RAPGEF4: variants seen among roughly 807,000 people sequenced by gnomAD.
RAPGEF4 encodes the protein RAP guanine-nucleotide-exchange factor (GEF) 4.
A neutral mutation model predicts 147.9 loss-of-function variants in RAPGEF4; 66 were observed. The observed-to-expected ratio is 0.45, with a 90% CI of 0.37 to 0.55. The LOEUF (loss-of-function observed/expected upper bound fraction) is 0.55. Ranked by LOEUF, RAPGEF4 falls within the 20% of genes least tolerant of loss-of-function variation. The probability of loss-of-function intolerance (pLI) is 0.00; values close to 1 mark genes in which losing one functional copy is unlikely to be tolerated. For synonymous variants in RAPGEF4, 419 were observed against 442.7 expected, an observed-to-expected ratio of 0.95 and a Z score of 0.67; for missense variants, 1,071 against 1,257.3, an observed-to-expected ratio of 0.85 and a Z score of 2.24.
intron 4 of RAPGEF4, among the ~76,000 whole-genome samples, chr2:172,894,817 C>A (rs1436899186): frequency 6.6e-6 from 1 of 152,048 alleles, no homozygotes; most frequent in African/African-American, 2.4e-5. Flanking sequence ...TTTGTACTAA[C>A]CTTCTAAAAA....
Position 172,812,310 on chromosome 2 carries a change from A to G in RAPGEF4, c.298-1969A>G, listed in dbSNP as rs201934128. On this transcript the variant is annotated intron_variant, in intron 3 of 30. Coordinates refer to ENST00000397081, the MANE Select transcript of RAPGEF4 (RefSeq NM_007023.4). ...TGACTGCAGCTGGGTACTCACTGGC[A>G]TGGTTTTCCCCTTACAGAGGTGGTC... 2.6e-5 allele frequency among the ~76,000 whole-genome samples: 4 copies of G among 152,284 alleles called. No individual in the cohort carries two copies. The East Asian group carries it at 5.8e-4, about 22-fold the overall frequency.
intron 1 of RAPGEF4, among the ~76,000 whole-genome samples, chr2:172,766,448 A>G (rs1370228217): frequency 6.6e-6 from 1 of 152,090 alleles, no homozygotes; most frequent in Non-Finnish European, 1.5e-5. Context: ...GCTACTCGGG[A>G]GGCTGAGGCA....
chr2:172,914,319 A>ATTTT lies in RAPGEF4; in HGVS notation c.445-3454_445-3451dup, dbSNP rs573065663. Among the ~76,000 whole-genome samples the ATTTT allele has an allele frequency of 6.4e-5, 4 of 62,450 alleles. No homozygotes were observed. In the South Asian group the frequency reaches 2.8e-3, roughly 44 times the overall value. 41.0% of individuals were successfully genotyped at this position (62,450 alleles called of 152,430 possible). A position where few individuals can be genotyped will look rare whatever the true frequency, so the allele number is the denominator to read the frequency against. ...CCTAGCTCAGTCAAAGGAAATATGC[A>ATTTT]TTTTTTTTTTTTTTTTTTTTTTTTT... On this transcript the variant is annotated intron_variant, in intron 4 of 30. Coordinates refer to ENST00000397081, the MANE Select transcript of RAPGEF4 (RefSeq NM_007023.4).
intron 4 of RAPGEF4, among the ~76,000 whole-genome samples, chr2:172,832,633 C>T (rs1690486214): frequency 6.6e-6 from 1 of 152,114 alleles, no homozygotes; most frequent in African/African-American, 2.4e-5. Context: ...TTTGAACTTC[C>T]TAGCTCGGAC....
chr2:172,983,680 T>C lies in RAPGEF4; in HGVS notation c.1089+100T>C, dbSNP rs1311012685. ...CGGTGTTGTGGGGGGAAAGAATGTC[T>C]GATTTTCACCTCATAAATCACCTCT... On this transcript the variant is annotated intron_variant, in intron 11 of 30. Coordinates refer to ENST00000397081, the MANE Select transcript of RAPGEF4 (RefSeq NM_007023.4). The C allele has an allele frequency of 4.0e-6, 6 of 1,499,974 alleles. No individual in the cohort carries two copies. The East Asian group carries it at 1.4e-4, about 35-fold the overall frequency. 92.9% of individuals were successfully genotyped at this position (1,499,974 alleles called of 1,614,324 possible).
intron 14 of RAPGEF4, 87 bp downstream of exon 14, chr2:172,988,926 G>A: frequency 2.8e-6 from 4 of 1,429,202 alleles, no homozygotes; most frequent in East Asian, 2.3e-5. Flanking sequence ...TCTTAATTGA[G>A]TAGTCCTGTG....
intron 1 of RAPGEF4, among the ~76,000 whole-genome samples, chr2:172,783,006 G>T (rs1440257653): frequency 6.6e-6 from 1 of 152,154 alleles, no homozygotes; most frequent in African/African-American, 2.4e-5. Context: ...GCTGTACTTC[G>T]ATTTCACATT....
At chr2:172,999,940 G>C (rs1470784030) in intron 16 of RAPGEF4, among the ~76,000 whole-genome samples, 1 of 152,148 alleles carries the variant, frequency 6.6e-6, no homozygotes. Context: ...CCCAGCCTTG[G>C]AGCACCCAAG....
intron 16 of RAPGEF4, 67 bp from the exon 17 acceptor site, chr2:173,001,199 A>T: frequency 6.2e-7 from 1 of 1,603,070 alleles, no homozygotes; most frequent in Non-Finnish European, 8.5e-7. Context: ...AAGTGAATGG[A>T]TACTCTTGCT....
At chr2:173,001,766 G>A (rs776722211) in intron 17 of RAPGEF4, among the ~76,000 whole-genome samples, 7 of 151,858 alleles carry the variant, frequency 4.6e-5, no homozygotes, top group African/African-American at 2.4e-5. Flanking sequence ...GGTGGGGGAG[G>A]TGGCAAACAC....
intron 4 of RAPGEF4, among the ~76,000 whole-genome samples, chr2:172,819,626 C>A (rs914924448): frequency 1.3e-5 from 2 of 151,214 alleles, no homozygotes; most frequent in Non-Finnish European, 2.9e-5. Flanking sequence ...CCACTACGCC[C>A]GGCTAATTTT....
At chr2:172,896,436 A>G (rs193096225) in intron 4 of RAPGEF4, among the ~76,000 whole-genome samples, 2 of 152,314 alleles carry the variant, frequency 1.3e-5, no homozygotes, top group East Asian at 1.9e-4. Flanking sequence ...ATTCCTTTGT[A>G]TACAGAGTTT....
intron 6 of RAPGEF4, among the ~76,000 whole-genome samples, chr2:172,953,860 A>G (rs1575356652): frequency 6.6e-6 from 1 of 152,276 alleles, no homozygotes; most frequent in Admixed American, 6.5e-5. Flanking sequence ...GAAAGAAGAC[A>G]TTTATTCTTT....
At chr2:172,776,403 T>C (rs1328493399) in intron 1 of RAPGEF4, among the ~76,000 whole-genome samples, 1 of 152,228 alleles carries the variant, frequency 6.6e-6, no homozygotes, top group Non-Finnish European at 1.5e-5. Flanking sequence ...CCATCTTTAA[T>C]CTACCATACT....
chr2:172,866,883 A>G (rs1694708259), intron 4 of RAPGEF4, among the ~76,000 whole-genome samples: 1 of 151,980 alleles, frequency 6.6e-6, no homozygotes, highest in Non-Finnish European at 1.5e-5. Flanking sequence ...TGTAAACTTT[A>G]TAGAATTTGT....
At chr2:172,767,692 G>A (rs1272573641) in intron 1 of RAPGEF4, among the ~76,000 whole-genome samples, 3 of 152,134 alleles carry the variant, frequency 2.0e-5, no homozygotes, top group Non-Finnish European at 4.4e-5. Flanking sequence ...TTAGAAATAA[G>A]GATCCATATG....
intron 13 of RAPGEF4, 139 bp downstream of exon 13, chr2:172,988,411 A>C: frequency 7.1e-7 from 1 of 1,404,082 alleles, no homozygotes; most frequent in Admixed American, 3.1e-5. Context: ...TGTATCTTTA[A>C]TCATAAGTTA....
At chr2:172,810,821 C>G (rs1687953158) in intron 3 of RAPGEF4, among the ~76,000 whole-genome samples, 1 of 152,164 alleles carries the variant, frequency 6.6e-6, no homozygotes. Flanking sequence ...TGGTCCAGTA[C>G]CTCCCCAGAG....
chr2:173,045,831 A>G (rs61686703), intron 29 of RAPGEF4, among the ~76,000 whole-genome samples: 1,943 of 152,328 alleles, frequency 0.013, 43 homozygotes, highest in African/African-American at 0.044. Flanking sequence ...TAGAAAAAGC[A>G]TTATGCACTC....
Sources: allele counts gnomAD v4.1 joint callset (sites outside exome capture counted in the v4.1 genomes callset), GRCh38; gene constraint gnomAD v4.1.1; transcripts MANE v1.5; gene names NCBI Gene and HGNC (gene_info 2026-07-23, HGNC 2026-07-21).